SYNE2: variants seen among roughly 807,000 people sequenced by gnomAD.
SYNE2 encodes nesprin-2.
SYNE2 carries 431 observed loss-of-function variants against 856.3 expected under a neutral mutation model. The ratio of observed to expected loss-of-function variants is 0.50; its 90% CI spans 0.47 to 0.55. The LOEUF (loss-of-function observed/expected upper bound fraction) is 0.55. SYNE2 is among the 20% of genes least tolerant of loss of function. The probability of loss-of-function intolerance (pLI) is 0.00; values close to 1 mark genes in which losing one functional copy is unlikely to be tolerated. For missense variants in SYNE2, 8,129 were observed against 8,023.2 expected (o/e 1.01, Z -0.50); for synonymous variants, 2,923 against 2,872.3 (o/e 1.02, Z -0.56).
chr14:64,104,659 C>G (rs1347191774), intron 64 of SYNE2, among the ~76,000 whole-genome samples: 2 of 151,986 alleles, frequency 1.3e-5, no homozygotes, highest in African/African-American at 2.4e-5. Context: ...CCATGTTGGC[C>G]AGGCTAGTCT....
intron 1 of SYNE2, among the ~76,000 whole-genome samples, chr14:63,817,457 A>G (rs948235768): frequency 2.0e-5 from 3 of 152,204 alleles, no homozygotes; most frequent in South Asian, 2.1e-4. Flanking sequence ...ACAGAGCCAG[A>G]CCCTGTCTCA....
intron 70 of SYNE2, among the ~76,000 whole-genome samples, chr14:64,124,399 G>C (rs1479167796): frequency 7.1e-6 from 1 of 141,246 alleles, no homozygotes; most frequent in Non-Finnish European, 1.5e-5. Context: ...TTTTTTTGCA[G>C]AGAATGTATC....
Position 63,847,216 on chromosome 14 carries a change from A to G in SYNE2, c.-304-5285A>G, listed in dbSNP as rs953472200. 5.9e-5 allele frequency among the ~76,000 whole-genome samples: 9 copies of G among 151,696 alleles called. No individual in the cohort carries two copies. The East Asian group carries it at 5.9e-4, about 10-fold the overall frequency. ...TACCAGTACTTTGAGAGGCCAAGGT[A>G]GGAGGATTGCTTGAGCCTAGCACTT... On this transcript the variant is annotated intron_variant, in intron 1 of 23. Transcript: ENST00000674003.
intron 94 of SYNE2, among the ~76,000 whole-genome samples, chr14:64,171,996 G>A (rs1334129310): frequency 3.3e-5 from 5 of 152,028 alleles, no homozygotes; most frequent in Non-Finnish European, 5.9e-5. Flanking sequence ...GATTACAGGC[G>A]CCCGCCACCA....
intron 99 of SYNE2, among the ~76,000 whole-genome samples, chr14:64,193,044 G>A (rs1047720100): frequency 6.6e-6 from 1 of 152,192 alleles, no homozygotes; most frequent in Non-Finnish European, 1.5e-5. Context: ...AATCCCTGAT[G>A]CTGACTTCAC....
At chr14:64,121,614 CTG>C (rs755065457) in intron 68 of SYNE2, among the ~76,000 whole-genome samples, 13 of 152,202 alleles carry the variant, frequency 8.5e-5, no homozygotes, top group Admixed American at 2.0e-4. Context: ...TGCAGAAACT[CTG>C]AGAGTTTTCA....
chr14:63,967,453 C>T (rs1202640457), intron 10 of SYNE2, among the ~76,000 whole-genome samples: 1 of 152,178 alleles, frequency 6.6e-6, no homozygotes, highest in Non-Finnish European at 1.5e-5. Flanking sequence ...AGCCCAGTGA[C>T]CTTGCTGCTC....
chr14:64,083,015 C>A (rs966471228), intron 57 of SYNE2, among the ~76,000 whole-genome samples: 4 of 152,110 alleles, frequency 2.6e-5, no homozygotes, highest in Non-Finnish European at 4.4e-5. Flanking sequence ...GAGAAGGAAT[C>A]CCTTAGAGAA....
rs149283049 is a variant in SYNE2, at chr14:63,969,839, C to T, written c.1128+1993C>T. On this transcript the variant is annotated intron_variant, in intron 11 of 115. Coordinates refer to ENST00000555002, the MANE Select transcript of SYNE2 (RefSeq NM_182914.3). ...TTTTGTCCAATTCTATTATATTTTGCTGAGAGAGGAGTATTAAAATCTGTG... is the reference window on the plus strand; with the variant it reads ...TTTTGTCCAATTCTATTATATTTTGTTGAGAGAGGAGTATTAAAATCTGTG... 3.4e-3 allele frequency among the ~76,000 whole-genome samples: 519 copies of T among 152,122 alleles called. 3 individuals are homozygous for T. The highest frequency in any genetic ancestry group is 0.011 in the African/African-American group (474 of 41,490).
At chr14:63,880,966 G>T (rs1166213530) in intron 1 of SYNE2, among the ~76,000 whole-genome samples, 1 of 151,882 alleles carries the variant, frequency 6.6e-6, no homozygotes, top group Non-Finnish European at 1.5e-5. Flanking sequence ...TTGTGCCTCA[G>T]CCTCTCGAGT....
At chr14:64,222,532 C>T (rs2098699346) in intron 112 of SYNE2, among the ~76,000 whole-genome samples, 1 of 152,178 alleles carries the variant, frequency 6.6e-6, no homozygotes, top group African/African-American at 2.4e-5. Flanking sequence ...TGGTGAAACC[C>T]TGTCTCTACT....
At chr14:64,004,822 A>T (rs894405354) in intron 30 of SYNE2, among the ~76,000 whole-genome samples, 2 of 152,170 alleles carry the variant, frequency 1.3e-5, no homozygotes, top group African/African-American at 2.4e-5. Flanking sequence ...CCACCACGGC[A>T]TGCGATTGCA....
chr14:63,919,267 G>A (rs931879084), intron 2 of SYNE2, among the ~76,000 whole-genome samples: 1 of 152,160 alleles, frequency 6.6e-6, no homozygotes, highest in African/African-American at 2.4e-5. Flanking sequence ...TATGGTAAAG[G>A]CTGTGCAGAA....
intron 10 of SYNE2, among the ~76,000 whole-genome samples, chr14:63,967,494 G>A (rs957124662): frequency 2.0e-5 from 3 of 152,118 alleles, no homozygotes; most frequent in Non-Finnish European, 4.4e-5. Flanking sequence ...AATACACAAA[G>A]CACAGAGTGA....
chr14:64,069,781 C>T (rs1282591487), intron 51 of SYNE2, among the ~76,000 whole-genome samples: 4 of 152,204 alleles, frequency 2.6e-5, no homozygotes, highest in Non-Finnish European at 5.9e-5. Flanking sequence ...TGTTTCTCAG[C>T]CTCTGGCATG....
chr14:63,826,029 A>T lies in SYNE2; in HGVS notation c.-304-26472A>T, dbSNP rs75798409. On this transcript the variant is annotated intron_variant, in intron 1 of 23. Coordinates refer to the SYNE2 transcript ENST00000674003. ...AAAACCTCAGCTGCCATTTTTAAAG[A>T]ATTGGACAAGCTAATCCTAAAATTC... Among the ~76,000 whole-genome samples the T allele has an allele frequency of 5.7e-3, 866 of 152,312 alleles. 5 individuals carry two copies. Among genetic ancestry groups the T allele is most frequent in the African/African-American group, 0.019 (800 of 41,574 alleles).
chr14:64,008,596 A>G (rs1166206717), intron 31 of SYNE2, among the ~76,000 whole-genome samples: 1 of 152,100 alleles, frequency 6.6e-6, no homozygotes, highest in African/African-American at 2.4e-5. Flanking sequence ...TTTTTTATAT[A>G]TGATTGCTTG....
intron 1 of SYNE2, among the ~76,000 whole-genome samples, chr14:63,869,069 T>C (rs1224543391): frequency 6.6e-6 from 1 of 152,118 alleles, no homozygotes; most frequent in East Asian, 1.9e-4. Context: ...AGAAATAAAA[T>C]GGAGAATGAA....
At chr14:63,899,233 G>A (rs1595517166) in intron 1 of SYNE2, among the ~76,000 whole-genome samples, 1 of 150,874 alleles carries the variant, frequency 6.6e-6, no homozygotes, top group Non-Finnish European at 1.5e-5. Flanking sequence ...ATGGTGTCTT[G>A]CTCCGTGTGT....
Sources: gnomAD v4.1 joint callset for allele counts (sites outside exome capture counted in the v4.1 genomes callset) on GRCh38, gnomAD v4.1.1 for gene constraint, MANE v1.5 for transcripts, NCBI Gene and HGNC (gene_info 2026-07-23, HGNC 2026-07-21) for gene names.